The following ATP8B4 variants were observed in gnomAD, a reference collection of about 807,000 sequenced individuals.
ATP8B4 encodes the protein probable phospholipid-transporting ATPase IM.
Under a neutral mutation model 145.6 loss-of-function variants are expected in ATP8B4, and 133 were observed. That is an observed-to-expected ratio of 0.91 (90% CI 0.79 to 1.05). The LOEUF (loss-of-function observed/expected upper bound fraction) is 1.05. ATP8B4 is among the 50% of genes least tolerant of loss of function. The pLI, the probability that ATP8B4 is intolerant of heterozygous loss-of-function variation, is 0.00. For synonymous variants in ATP8B4, 507 were observed against 492.9 expected, an observed-to-expected ratio of 1.03 and a Z score of -0.38; for missense variants, 1,458 against 1,425.2, an observed-to-expected ratio of 1.02 and a Z score of -0.37.
intron 6 of ATP8B4, among the ~76,000 whole-genome samples, chr15:50,020,671 C>A (rs1232811453): frequency 2.0e-5 from 3 of 152,172 alleles, no homozygotes; most frequent in Admixed American, 2.0e-4. Context: ...ACCACCACCA[C>A]ATGCTTCTTC....
At position 49,866,360 on chromosome 15, in the gene ATP8B4, T is replaced by C. The variant is rs61731575; in HGVS notation, c.3152A>G (p.Gln1051Arg). 6.2e-7 allele frequency: 1 copy of C among 1,613,770 alleles called. No homozygotes were observed. The highest frequency in any genetic ancestry group is 1.1e-5 in the South Asian group (1 of 91,038). Residue 1051 changes from glutamine to arginine, a missense_variant, in exon 26 of 28, where the codon CAG becomes CGG. Physicochemically the swap from Gln to Arg is conservative, Grantham distance 43. Coordinates refer to ENST00000284509, the MANE Select transcript of ATP8B4 (RefSeq NM_024837.4). The part of the protein sequence containing the change: ...SNGIFGIFPN[Q>R]FPFVGNARHS... The stretch of plus-strand genomic sequence containing the variant: ...GACTCACTTACCAACAAATGGAAAC[T>C]GGTTTGGGAAGATGCCAAAGATGCC...
intron 12 of ATP8B4, among the ~76,000 whole-genome samples, chr15:49,973,998 T>C (rs1396818919): frequency 6.6e-6 from 1 of 152,164 alleles, no homozygotes; most frequent in African/African-American, 2.4e-5. Context: ...TATTTATTAA[T>C]GATTTGTAAG....
chr15:50,048,136 A>C (rs1017425666), intron 3 of ATP8B4, among the ~76,000 whole-genome samples: 1 of 152,150 alleles, frequency 6.6e-6, no homozygotes, highest in African/African-American at 2.4e-5. Context: ...GTCGTCAGGT[A>C]AAGAGCATGT....
At chr15:50,017,242 C>A (rs143847204) in intron 6 of ATP8B4, among the ~76,000 whole-genome samples, 1 of 152,268 alleles carries the variant, frequency 6.6e-6, no homozygotes, top group African/African-American at 2.4e-5. Context: ...TTTCTAGTAC[C>A]TATCTATTAA....
chr15:49,996,591 G>T, intron 9 of ATP8B4, 86 bp downstream of exon 9: 3 of 1,108,798 alleles, frequency 2.7e-6, no homozygotes, highest in Non-Finnish European at 3.9e-6. Flanking sequence ...CAAATAAAAA[G>T]AAACATAAAT....
chr15:49,919,459 C>T (rs1366014840), intron 18 of ATP8B4, among the ~76,000 whole-genome samples: 1 of 152,140 alleles, frequency 6.6e-6, no homozygotes, highest in African/African-American at 2.4e-5. Flanking sequence ...GCTCTGTCGC[C>T]CAGGCTGGAG....
At chr15:49,880,560 C>A (rs765459474) in intron 23 of ATP8B4, 1 of 152,074 alleles carries the variant, frequency 6.6e-6, no homozygotes, top group South Asian at 2.1e-4. Context: ...AAAGGAGCAA[C>A]CTGGTCTTAT....
intron 9 of ATP8B4, among the ~76,000 whole-genome samples, chr15:49,993,638 A>G (rs763749703): frequency 3.9e-5 from 6 of 152,102 alleles, no homozygotes; most frequent in Non-Finnish European, 7.4e-5. Flanking sequence ...TCGTCTATTC[A>G]TTCTTCTGAT....
chr15:49,995,492 T>C (rs1344361494), intron 9 of ATP8B4, among the ~76,000 whole-genome samples: 1 of 152,134 alleles, frequency 6.6e-6, no homozygotes, highest in African/African-American at 2.4e-5. Flanking sequence ...CTGACTTCAA[T>C]CTCAATTCGG....
intron 7 of ATP8B4, among the ~76,000 whole-genome samples, chr15:50,004,598 T>C (rs1362872470): frequency 6.6e-6 from 1 of 152,226 alleles, no homozygotes; most frequent in Non-Finnish European, 1.5e-5. Flanking sequence ...GGGTTTACTA[T>C]GTGTCCAGCA....
At position 49,923,412 on chromosome 15, in the gene ATP8B4, T is replaced by C; in HGVS notation, c.1725A>G (p.Glu575=). The change falls in exon 17 of 28, where the codon GAA becomes GAG. Residue 575 remains glutamate (E), a synonymous_variant. Coordinates refer to ENST00000284509, the MANE Select transcript of ATP8B4 (RefSeq NM_024837.4). ...GGTCTGACGTCAAAGACAAAAGGAC[T>C]TCATTGGAAGGATGAAGTTTTTCAA... ...ILFEKLHPSN[E]VLLSLTSDHL... is the part of the protein sequence containing the mutation. The C allele has an allele frequency of 6.2e-7, 1 of 1,613,358 alleles. No individual in the cohort carries two copies. Among genetic ancestry groups the C allele is most frequent in the Non-Finnish European group, 8.5e-7 (1 of 1,179,384 alleles).
chr15:49,991,975 C>T (rs2047077906), intron 9 of ATP8B4, among the ~76,000 whole-genome samples: 1 of 152,126 alleles, frequency 6.6e-6, no homozygotes, highest in Admixed American at 6.6e-5. Flanking sequence ...TGTCTTTCTA[C>T]TTTGGTTTAC....
intron 6 of ATP8B4, among the ~76,000 whole-genome samples, chr15:50,011,794 A>G (rs1009082203): frequency 2.0e-5 from 3 of 152,164 alleles, no homozygotes; most frequent in African/African-American, 7.2e-5. Flanking sequence ...AGTTTTCATC[A>G]CATTTCTTTC....
At chr15:49,920,141 T>A (rs1474525439) in intron 18 of ATP8B4, 105 bp downstream of exon 18, 11 of 1,373,390 alleles carry the variant, frequency 8.0e-6, no homozygotes, top group Non-Finnish European at 1.1e-5. Flanking sequence ...GAGAAACATC[T>A]GCTGTGTGCA....
chr15:49,992,529 A>T (rs1479889404), intron 9 of ATP8B4, among the ~76,000 whole-genome samples: 1 of 152,176 alleles, frequency 6.6e-6, no homozygotes, highest in Non-Finnish European at 1.5e-5. Context: ...AGGCAGAGAG[A>T]CTTACCAGAG....
At chr15:49,986,559 T>C (rs1253974766) in intron 10 of ATP8B4, among the ~76,000 whole-genome samples, 1 of 152,214 alleles carries the variant, frequency 6.6e-6, no homozygotes, top group Non-Finnish European at 1.5e-5. Context: ...GTTTCTAGGT[T>C]TGGAACACTT....
intron 10 of ATP8B4, among the ~76,000 whole-genome samples, chr15:49,983,149 C>T (rs2046301970): frequency 6.6e-6 from 1 of 152,184 alleles, no homozygotes; most frequent in Admixed American, 6.5e-5. Flanking sequence ...TTGAGACCAA[C>T]AGTTTTAATA....
At chr15:50,159,365 ATTTG>A (rs750799214) in intron 1 of ATP8B4, among the ~76,000 whole-genome samples, 31 of 152,120 alleles carry the variant, frequency 2.0e-4, no homozygotes, top group Non-Finnish European at 3.8e-4. Context: ...ACTTAACTGA[ATTTG>A]TTTATCAGTT....
intron 20 of ATP8B4, among the ~76,000 whole-genome samples, chr15:49,908,749 C>A (rs2038904215): frequency 6.6e-6 from 1 of 152,148 alleles, no homozygotes; most frequent in Non-Finnish European, 1.5e-5. Context: ...CACTGACATT[C>A]CCCACCTGCA....
Sources: gnomAD v4.1 joint callset for allele counts (sites outside exome capture counted in the v4.1 genomes callset) on GRCh38, gnomAD v4.1.1 for gene constraint, MANE v1.5 for transcripts, NCBI Gene and HGNC (gene_info 2026-07-23, HGNC 2026-07-21) for gene names.